AUH: variants seen among roughly 807,000 people sequenced by gnomAD.
The protein encoded by AUH is methylglutaconyl-CoA hydratase, mitochondrial.
Under a neutral mutation model 42.3 loss-of-function variants are expected in AUH, and 29 were observed. The observed-to-expected ratio is 0.69, with a 90% CI of 0.51 to 0.93. The LOEUF is 0.93. Ranked by LOEUF, AUH falls within the 40% of genes least tolerant of loss-of-function variation. AUH has a pLI of 0.00. For synonymous variants in AUH, 174 were observed against 166.4 expected, an observed-to-expected ratio of 1.05 and a Z score of -0.35; for missense variants, 452 against 438.1, an observed-to-expected ratio of 1.03 and a Z score of -0.28.
At chr9:91,332,648 T>C (rs561491179) in intron 3 of AUH, among the ~76,000 whole-genome samples, 2 of 152,302 alleles carry the variant, frequency 1.3e-5, no homozygotes, top group East Asian at 3.9e-4. Context: ...GCACAGCTTT[T>C]GGCCAGAAGC....
intron 4 of AUH, 95 bp downstream of exon 4, chr9:91,325,223 T>C: frequency 2.1e-6 from 2 of 959,170 alleles, no homozygotes; most frequent in Non-Finnish European, 3.3e-6. Flanking sequence ...ATTATATAAA[T>C]ATTTAACCAA....
chr9:91,327,577 C>G (rs1830041606), intron 3 of AUH, among the ~76,000 whole-genome samples: 1 of 152,212 alleles, frequency 6.6e-6, no homozygotes, highest in African/African-American at 2.4e-5. Flanking sequence ...AAATTCTTCT[C>G]TGCCTTACTC....
intron 3 of AUH, among the ~76,000 whole-genome samples, chr9:91,332,293 G>C (rs1830385898): frequency 6.6e-6 from 1 of 152,174 alleles, no homozygotes; most frequent in Non-Finnish European, 1.5e-5. Flanking sequence ...CTTGAGGTCA[G>C]GAATTCAAGA....
intron 6 of AUH, among the ~76,000 whole-genome samples, chr9:91,265,501 G>A (rs1196645917): frequency 2.0e-5 from 3 of 152,056 alleles, no homozygotes; most frequent in Non-Finnish European, 4.4e-5. Flanking sequence ...TTGGTTATGT[G>A]TTCTTTAAGA....
At chr9:91,240,144 T>C (rs1480025211) in intron 6 of AUH, among the ~76,000 whole-genome samples, 1 of 152,238 alleles carries the variant, frequency 6.6e-6, no homozygotes, top group East Asian at 1.9e-4. Context: ...TACATTGTGA[T>C]ATCTTTTTAA....
At position 91,301,115 on chromosome 9, in the gene AUH, T is replaced by C. The variant is rs1387049299; in HGVS notation, c.506-3039A>G. Among the ~76,000 whole-genome samples, 3 of 152,150 alleles carry C rather than the reference T, an allele frequency of 2.0e-5. No homozygotes were observed. In the South Asian group the frequency reaches 6.2e-4, roughly 31 times the overall value. ...TAACTTCTTTTGTTTAATAAAGAAA[T>C]AAACATATGCAGTCCTATGGAGCTA... On this transcript the variant is annotated intron_variant, in intron 4 of 9. Transcript: ENST00000375731.
At chr9:91,297,017 T>C (rs76884017) in intron 5 of AUH, among the ~76,000 whole-genome samples, 10,932 of 152,264 alleles carry the variant, frequency 0.072, 682 homozygotes, top group East Asian at 0.26. Context: ...GACAACTCTG[T>C]GCCGTCTGCT....
chr9:91,341,543 T>A (rs1326320188), intron 3 of AUH, among the ~76,000 whole-genome samples: 2 of 152,216 alleles, frequency 1.3e-5, no homozygotes, highest in African/African-American at 4.8e-5. Flanking sequence ...AACAAATCAC[T>A]CTTCTTAACC....
intron 4 of AUH, among the ~76,000 whole-genome samples, chr9:91,305,671 T>C (rs1828157313): frequency 6.6e-6 from 1 of 152,224 alleles, no homozygotes; most frequent in Non-Finnish European, 1.5e-5. Flanking sequence ...AAGTTTTTAC[T>C]ATGTGTGGCC....
chr9:91,217,942 T>G (rs1826921436), intron 7 of AUH, among the ~76,000 whole-genome samples: 2 of 152,162 alleles, frequency 1.3e-5, no homozygotes, highest in African/African-American at 4.8e-5. Flanking sequence ...AGAAGGAGAA[T>G]GTTACCTGTG....
At chr9:91,280,419 T>C (rs971827217) in intron 6 of AUH, among the ~76,000 whole-genome samples, 2 of 152,068 alleles carry the variant, frequency 1.3e-5, no homozygotes, top group Non-Finnish European at 2.9e-5. Flanking sequence ...GAATAACCTG[T>C]TTTTTCTAAG....
In AUH at chr9:91,361,624, T is replaced by C; in HGVS notation, c.262+4A>G. 1 of 1,578,426 alleles carries C rather than the reference T, an allele frequency of 6.3e-7. No homozygotes were observed. The highest frequency in any genetic ancestry group is 8.6e-7 in the Non-Finnish European group (1 of 1,163,096). The stretch of plus-strand genomic sequence containing the variant: ...CCCGCGCCTGCCCAGCGTTCGCACC[T>C]CACCTCGGTTCTCCTCCTCCAGGTG... On this transcript the variant is annotated splice_donor_region_variant and intron_variant, in intron 1 of 9. Transcript: ENST00000375731.
rs1422804861 is a variant in AUH at position 91,215,099 on chromosome 9, G to C, written c.943-674C>G. On this transcript the variant is annotated intron_variant, in intron 9 of 9. Transcript: ENST00000375731. ...GGCACAGAGTCACACTCTAGATACTGCTCCTTTAAACGAGTGCTCATGCAG... is the reference window on the plus strand; with the variant it reads ...GGCACAGAGTCACACTCTAGATACTCCTCCTTTAAACGAGTGCTCATGCAG... Among the ~76,000 whole-genome samples, 16 of 152,266 alleles carry C rather than the reference G, an allele frequency of 1.1e-4. No individual in the cohort carries two copies. The East Asian group carries it at 3.1e-3, about 29-fold the overall frequency.
intron 6 of AUH, among the ~76,000 whole-genome samples, chr9:91,234,061 C>T (rs1235665523): frequency 6.6e-6 from 1 of 152,158 alleles, no homozygotes; most frequent in Non-Finnish European, 1.5e-5. Flanking sequence ...AACAAGTTCC[C>T]CAAATGATTT....
chr9:91,330,908 G>T (rs1830278176), intron 3 of AUH, among the ~76,000 whole-genome samples: 1 of 152,210 alleles, frequency 6.6e-6, no homozygotes, highest in African/African-American at 2.4e-5. Context: ...GATGGGTAAT[G>T]ATAAGGAAGG....
intron 4 of AUH, among the ~76,000 whole-genome samples, chr9:91,312,458 T>C (rs1018216045): frequency 2.0e-5 from 3 of 152,246 alleles, no homozygotes; most frequent in Non-Finnish European, 1.5e-5. Flanking sequence ...CTGGGAGTCA[T>C]GGCTCATGCC....
intron 7 of AUH, chr9:91,218,728 A>G: frequency 2.0e-6 from 2 of 984,328 alleles, no homozygotes; most frequent in Non-Finnish European, 2.4e-6. Flanking sequence ...TTTTTTTCTC[A>G]GATAAATGGA....
At chr9:91,361,352 G>A (rs1832836444) in intron 1 of AUH, among the ~76,000 whole-genome samples, 1 of 152,214 alleles carries the variant, frequency 6.6e-6, no homozygotes, top group Admixed American at 6.5e-5. Flanking sequence ...CTGGAGCGGA[G>A]GGCGTAAGCT....
chr9:91,226,387 T>G (rs1264957197), intron 6 of AUH, among the ~76,000 whole-genome samples: 1 of 141,442 alleles, frequency 7.1e-6, no homozygotes, highest in South Asian at 2.4e-4. Context: ...TGCCCACTTT[T>G]TGATGGGGTT....
Sources: allele counts gnomAD v4.1 joint callset (sites outside exome capture counted in the v4.1 genomes callset), GRCh38; gene constraint gnomAD v4.1.1; transcripts MANE v1.5; gene names NCBI Gene and HGNC (gene_info 2026-07-23, HGNC 2026-07-21).